SULF2: variants seen among roughly 807,000 people sequenced by gnomAD.
The protein encoded by SULF2 is sulfatase 2, also known as extracellular sulfatase Sulf-2.
SULF2 carries 52 observed loss-of-function variants against 107.7 expected under a neutral mutation model. The observed-to-expected ratio is 0.48, with a 90% CI of 0.39 to 0.61. The LOEUF is 0.61. Among genes scored for constraint, SULF2 ranks in the 20% least tolerant of loss-of-function variants. The pLI, the probability that SULF2 is intolerant of heterozygous loss-of-function variation, is 0.00. For synonymous variants in SULF2, 460 were observed against 464.3 expected, an observed-to-expected ratio of 0.99 and a Z score of 0.12; for missense variants, 993 against 1,177.3, an observed-to-expected ratio of 0.84 and a Z score of 2.29.
intron 3 of SULF2, among the ~76,000 whole-genome samples, chr20:47,708,475 G>A (rs542959206): frequency 1.3e-5 from 2 of 152,274 alleles, no homozygotes; most frequent in South Asian, 4.2e-4. Context: ...CTGGAACATT[G>A]CATGCCAGAT....
At chr20:47,730,051 C>T (rs892005036) in intron 3 of SULF2, among the ~76,000 whole-genome samples, 1 of 149,044 alleles carries the variant, frequency 6.7e-6, no homozygotes, top group African/African-American at 2.5e-5. Flanking sequence ...GACACAGAGG[C>T]CCCCCAGACC....
At chr20:47,750,275 C>T (rs1410412751) in intron 2 of SULF2, among the ~76,000 whole-genome samples, 3 of 152,198 alleles carry the variant, frequency 2.0e-5, no homozygotes, top group African/African-American at 7.2e-5. Flanking sequence ...CCACCGCACC[C>T]GGCCCACAGC....
At chr20:47,663,004 G>A in intron 17 of SULF2, 66 bp downstream of exon 17, 4 of 1,580,588 alleles carry the variant, frequency 2.5e-6, no homozygotes, top group South Asian at 1.1e-5. Context: ...CTGAGGTTGG[G>A]GGGGGCCTAC....
At chr20:47,717,053 T>C (rs1324915928) in intron 3 of SULF2, among the ~76,000 whole-genome samples, 1 of 151,668 alleles carries the variant, frequency 6.6e-6, no homozygotes, top group African/African-American at 2.4e-5. Context: ...AAGGGAAGAG[T>C]ATTTTAATCC....
intron 3 of SULF2, among the ~76,000 whole-genome samples, chr20:47,709,497 G>A (rs1568843246): frequency 6.6e-6 from 1 of 152,152 alleles, no homozygotes; most frequent in Non-Finnish European, 1.5e-5. Flanking sequence ...AGTTGCACGG[G>A]CTGACCTTGA....
intron 3 of SULF2, among the ~76,000 whole-genome samples, chr20:47,705,336 A>C (rs747769757): frequency 1.6e-4 from 24 of 152,156 alleles, no homozygotes; most frequent in Non-Finnish European, 2.5e-4. Flanking sequence ...GCAGAGGAGG[A>C]GGCGGGGAAC....
intron 1 of SULF2, 25 bp from the exon 2 acceptor site, chr20:47,757,488 C>T (rs1411574620): frequency 1.4e-5 from 16 of 1,162,916 alleles, no homozygotes; most frequent in Non-Finnish European, 1.8e-5. Context: ...AGAATCAGGT[C>T]AATATTTATG....
rs979589733 is a variant in SULF2, at chr20:47,666,746, G to A, written c.1577-258C>T. On this transcript the variant is annotated intron_variant, in intron 11 of 20. Transcript: ENST00000688720. This position sits in a 1 kb window ranked among gnomAD's most constrained non-coding sequence, Gnocchi z 5.4. ...TGACTCAAGAGGATTTCAAGCGAGA[G>A]CTGCTTGCGGGTAAACAAATGGCGG... Among the ~76,000 whole-genome samples the A allele has an allele frequency of 1.4e-4, 22 of 152,240 alleles. No homozygotes were observed. The highest frequency in any genetic ancestry group is 2.6e-4 in the Non-Finnish European group (18 of 68,042).
chr20:47,670,405 T>G (rs993057424), intron 11 of SULF2, among the ~76,000 whole-genome samples: 33 of 151,580 alleles, frequency 2.2e-4, no homozygotes, highest in African/African-American at 7.3e-4. Flanking sequence ...TTGGCCAGAC[T>G]GGTCTCGAAC....
intron 3 of SULF2, among the ~76,000 whole-genome samples, chr20:47,719,884 G>A (rs35896821): frequency 6.6e-6 from 1 of 152,182 alleles, no homozygotes. Flanking sequence ...GTAGGCCACA[G>A]TTTACTAATC....
chr20:47,658,420 C>G (rs1460260187), intron 20 of SULF2, 28 bp from the exon 21 acceptor site: 1 of 1,613,426 alleles, frequency 6.2e-7, no homozygotes. Context: ...CTCATCTTAG[C>G]ACTTAGCTAT....
intron 3 of SULF2, among the ~76,000 whole-genome samples, chr20:47,729,889 C>G (rs2089548067): frequency 6.6e-6 from 1 of 152,242 alleles, no homozygotes; most frequent in African/African-American, 2.4e-5. Context: ...CCTCCTGCCC[C>G]TGCGGTCCTG....
chr20:47,693,433 A>G (rs1025358156), intron 4 of SULF2, among the ~76,000 whole-genome samples: 2 of 152,206 alleles, frequency 1.3e-5, no homozygotes, highest in African/African-American at 4.8e-5. Flanking sequence ...TTAGAACTAT[A>G]TGCCTGTTTG....
intron 1 of SULF2, among the ~76,000 whole-genome samples, chr20:47,771,357 T>G (rs1268282000): frequency 6.6e-6 from 1 of 151,930 alleles, no homozygotes; most frequent in Non-Finnish European, 1.5e-5. Flanking sequence ...CAACAACCTC[T>G]CCTCCTTATT....
At chr20:47,783,864 G>A (rs943302289) in intron 1 of SULF2, among the ~76,000 whole-genome samples, 3 of 151,910 alleles carry the variant, frequency 2.0e-5, no homozygotes, top group South Asian at 2.1e-4. Context: ...GTCTGGATGA[G>A]TTTTCTCTTC....
At chr20:47,713,559 G>A (rs1271867355) in intron 3 of SULF2, among the ~76,000 whole-genome samples, 2 of 151,948 alleles carry the variant, frequency 1.3e-5, no homozygotes, top group Non-Finnish European at 2.9e-5. Context: ...TATAAAAATG[G>A]GGGCAGCAAC....
chr20:47,660,879 C>G (rs978101139), intron 18 of SULF2, among the ~76,000 whole-genome samples: 5 of 152,142 alleles, frequency 3.3e-5, no homozygotes, highest in Non-Finnish European at 5.9e-5. Flanking sequence ...ACTCCTAATC[C>G]CGCACCTCCC....
Position 47,694,054 on chromosome 20 carries a change from C to T in SULF2, c.568-3759G>A, listed in dbSNP as rs377290595. 1.6e-4 allele frequency among the ~76,000 whole-genome samples: 24 copies of T among 152,316 alleles called. No homozygotes were observed. The highest frequency in any genetic ancestry group is 8.3e-4 in the South Asian group (4 of 4,822). On this transcript the variant is annotated intron_variant, in intron 4 of 20. Transcript: ENST00000688720. This position sits in a 1 kb window ranked among gnomAD's most constrained non-coding sequence, Gnocchi z 4.4. ...GGCCACTCCTCGGCTAAGTCTTCCCCGATCTCTGCTAGCTCCGCAATGCCA... is the reference window on the plus strand; with the variant it reads ...GGCCACTCCTCGGCTAAGTCTTCCCTGATCTCTGCTAGCTCCGCAATGCCA...
intron 7 of SULF2, among the ~76,000 whole-genome samples, chr20:47,681,966 T>G (rs1175984417): frequency 6.6e-6 from 1 of 152,012 alleles, no homozygotes; most frequent in Non-Finnish European, 1.5e-5. Flanking sequence ...ATTACAGGCA[T>G]GAGCCACAGG....
Sources: gnomAD v4.1 joint callset for allele counts (sites outside exome capture counted in the v4.1 genomes callset) on GRCh38, gnomAD v4.1.1 for gene constraint, Gnocchi (gnomAD v3.1) non-coding constraint, MANE v1.5 for transcripts, NCBI Gene and HGNC (gene_info 2026-07-23, HGNC 2026-07-21) for gene names.